The following LRP1B variants were observed in gnomAD, a reference collection of about 807,000 sequenced individuals.
The protein encoded by LRP1B is LDL receptor related protein 1B.
In LRP1B, 217 loss-of-function variants were observed where a neutral mutation model predicts 556.6. The ratio of observed to expected loss-of-function variants is 0.39; its 90% CI spans 0.35 to 0.44. The LOEUF is 0.44. Ranked by LOEUF, LRP1B falls within the 20% of genes least tolerant of loss-of-function variation. The pLI, the probability that LRP1B is intolerant of heterozygous loss-of-function variation, is 1.00. For synonymous variants in LRP1B, 2,047 were observed against 1,865.8 expected (o/e 1.10, Z -2.50); for missense variants, 5,053 against 5,620.8 (o/e 0.90, Z 3.23).
chr2:140,727,206 AG>A (rs1339225370), intron 35 of LRP1B, among the ~76,000 whole-genome samples: 3 of 152,156 alleles, frequency 2.0e-5, no homozygotes, highest in Non-Finnish European at 4.4e-5. Flanking sequence ...TGAAAAGGAA[AG>A]GCTTAGTACT....
At chr2:140,267,461 C>A (rs1346836045) in intron 86 of LRP1B, among the ~76,000 whole-genome samples, 1 of 151,860 alleles carries the variant, frequency 6.6e-6, no homozygotes, top group Admixed American at 6.6e-5. Flanking sequence ...ATTTTTAAAT[C>A]ATCTCCAGAT....
chr2:141,938,742 C>G (rs975418695), intron 1 of LRP1B, among the ~76,000 whole-genome samples: 13 of 99,512 alleles, frequency 1.3e-4, no homozygotes, highest in African/African-American at 4.0e-4. Context: ...TATCACTAAT[C>G]TCTCTCTCTC....
intron 2 of LRP1B, among the ~76,000 whole-genome samples, chr2:141,793,462 G>C (rs1243533328): frequency 6.6e-6 from 1 of 151,840 alleles, no homozygotes; most frequent in Non-Finnish European, 1.5e-5. Context: ...CTGGTCCCAG[G>C]TTCCAAGGTT....
chr2:140,876,102 G>T (rs1326868127), intron 25 of LRP1B, among the ~76,000 whole-genome samples: 3 of 152,104 alleles, frequency 2.0e-5, no homozygotes, highest in East Asian at 3.9e-4. Context: ...TAGAGGAAAA[G>T]CTTTCAGAAC....
intron 2 of LRP1B, among the ~76,000 whole-genome samples, chr2:141,628,151 G>T (rs1395567504): frequency 6.6e-6 from 1 of 152,162 alleles, no homozygotes; most frequent in Non-Finnish European, 1.5e-5. Context: ...ACCTAAACTT[G>T]ACATTACAGA....
At chr2:140,700,713 G>C (rs2105422732) in intron 40 of LRP1B, 92 bp from the exon 41 acceptor site, 1 of 1,285,086 alleles carries the variant, frequency 7.8e-7, no homozygotes, top group South Asian at 1.4e-5. Flanking sequence ...TTAAAACTTT[G>C]ATGTTGAATA....
chr2:141,380,266 G>A (rs991961561), intron 3 of LRP1B, among the ~76,000 whole-genome samples: 3 of 151,986 alleles, frequency 2.0e-5, no homozygotes, highest in Non-Finnish European at 4.4e-5. Context: ...TCCCTGGAAG[G>A]GGTTTGGCTA....
chr2:141,691,466 A>C (rs937397140), intron 2 of LRP1B, among the ~76,000 whole-genome samples: 6 of 89,576 alleles, frequency 6.7e-5, no homozygotes, highest in African/African-American at 2.7e-4. Context: ...TAATCAGCCA[A>C]CACACACACA....
chr2:141,596,788 A>G (rs1366927807), intron 2 of LRP1B, among the ~76,000 whole-genome samples: 1 of 152,054 alleles, frequency 6.6e-6, no homozygotes, highest in African/African-American at 2.4e-5. Context: ...AGCAATACCA[A>G]ATGTGATGTT....
chr2:140,763,923 G>A (rs536988385), intron 35 of LRP1B, among the ~76,000 whole-genome samples: 1 of 152,168 alleles, frequency 6.6e-6, no homozygotes, highest in Non-Finnish European at 1.5e-5. Flanking sequence ...AGTAGTTTTA[G>A]TTTCACTGTC....
chr2:141,536,603 T>G (rs975963679), intron 2 of LRP1B, among the ~76,000 whole-genome samples: 22 of 151,998 alleles, frequency 1.4e-4, no homozygotes, highest in African/African-American at 5.1e-4. Flanking sequence ...AGTTTCACAT[T>G]CAATAATGCC....
At position 141,704,340 on chromosome 2, in the gene LRP1B, G is replaced by A. The variant is rs112491638; in HGVS notation, c.205+105939C>T. 1.3e-3 allele frequency among the ~76,000 whole-genome samples: 192 copies of A among 151,972 alleles called. 1 individual carries two copies. Among genetic ancestry groups the A allele is most frequent in the African/African-American group, 4.4e-3 (182 of 41,502 alleles). ...CAGAACTTCTCTACTTCTCATGTAA[G>A]GGTGGTTTAAAAGATCAACTTGAAA... On this transcript the variant is annotated intron_variant, in intron 2 of 90. Transcript: ENST00000389484.
intron 1 of LRP1B, among the ~76,000 whole-genome samples, chr2:141,873,507 C>A (rs1698656403): frequency 6.6e-6 from 1 of 151,850 alleles, no homozygotes; most frequent in African/African-American, 2.4e-5. Flanking sequence ...ACGAAAACTG[C>A]AATGTTTAAC....
chr2:141,188,413 T>C lies in LRP1B; in HGVS notation c.1013+8A>G. 1 of 1,609,478 alleles carries C rather than the reference T, an allele frequency of 6.2e-7. No individual in the cohort carries two copies. Among genetic ancestry groups the C allele is most frequent in the Non-Finnish European group, 8.5e-7 (1 of 1,178,146 alleles). On this transcript the variant is annotated splice_region_variant and intron_variant, in intron 7 of 90. Transcript: ENST00000389484. ...TTTTTAGACCAAACACTATAAAGAA[T>C]TTCTTACCCTGCTATTGGATCTACT...
chr2:141,990,449 A>G (rs1031493708), intron 1 of LRP1B, among the ~76,000 whole-genome samples: 4 of 152,062 alleles, frequency 2.6e-5, no homozygotes, highest in Admixed American at 2.0e-4. Context: ...TGAAAATTAA[A>G]TTTCCTTTGC....
intron 5 of LRP1B, among the ~76,000 whole-genome samples, chr2:141,238,221 T>C (rs1683730657): frequency 6.6e-6 from 1 of 152,182 alleles, no homozygotes; most frequent in African/African-American, 2.4e-5. Flanking sequence ...AAAAATCTCC[T>C]AGTGACCTTT....
intron 3 of LRP1B, among the ~76,000 whole-genome samples, chr2:141,389,252 T>C (rs1255312494): frequency 1.3e-5 from 2 of 152,052 alleles, no homozygotes; most frequent in Admixed American, 6.6e-5. Context: ...ATCAAAACAA[T>C]GTGTTATAGG....
intron 1 of LRP1B, among the ~76,000 whole-genome samples, chr2:141,816,517 C>T (rs1370006373): frequency 6.6e-6 from 1 of 152,064 alleles, no homozygotes; most frequent in African/African-American, 2.4e-5. Flanking sequence ...ACTCTCAGGC[C>T]GTCAGCCACA....
chr2:140,917,733 G>T (rs1694620497), intron 21 of LRP1B, among the ~76,000 whole-genome samples: 1 of 152,020 alleles, frequency 6.6e-6, no homozygotes, highest in Admixed American at 6.6e-5. Context: ...TTAGAGCAGT[G>T]AAATTATTCT....
Sources: gnomAD v4.1 joint callset for allele counts (sites outside exome capture counted in the v4.1 genomes callset) on GRCh38, gnomAD v4.1.1 for gene constraint, MANE v1.5 for transcripts, NCBI Gene and HGNC (gene_info 2026-07-23, HGNC 2026-07-21) for gene names.